Variants in MAST4 observed in about 807,000 individuals in gnomAD.
MAST4 encodes the protein microtubule associated serine/threonine kinase family member 4.
Under a neutral mutation model 162.7 loss-of-function variants are expected in MAST4, and 89 were observed. That is an observed-to-expected ratio of 0.55 (90% CI 0.46 to 0.65). MAST4 has a LOEUF of 0.65. MAST4 is among the 30% of genes least tolerant of loss of function. The pLI is 0.00. For missense variants in MAST4, 3,153 were observed against 3,374.0 expected (o/e 0.93, Z 1.62); for synonymous variants, 1,479 against 1,361.1 (o/e 1.09, Z -1.91).
chr5:66,622,098 A>T (rs1490027722), intron 1 of MAST4, among the ~76,000 whole-genome samples: 3 of 152,138 alleles, frequency 2.0e-5, no homozygotes, highest in African/African-American at 7.2e-5. Context: ...AAGGAGAAAA[A>T]AAAAATGGAA....
intron 16 of MAST4, among the ~76,000 whole-genome samples, chr5:67,132,976 TA>T (rs1261415613): frequency 6.6e-6 from 1 of 152,128 alleles, no homozygotes; most frequent in African/African-American, 2.4e-5. Context: ...TTTTCCCACT[TA>T]AAATGAAAAG....
intron 1 of MAST4, among the ~76,000 whole-genome samples, chr5:66,704,455 GCTC>G (rs995175646): frequency 6.7e-6 from 1 of 150,158 alleles, no homozygotes; most frequent in Non-Finnish European, 1.5e-5. Context: ...TCTGTTGAAA[GCTC>G]CTTTCTTCTG....
intron 2 of MAST4, among the ~76,000 whole-genome samples, chr5:66,761,357 G>A (rs991934201): frequency 6.6e-6 from 1 of 152,060 alleles, no homozygotes; most frequent in African/African-American, 2.4e-5. Flanking sequence ...CTTTTAAAAG[G>A]TAACTCACCA....
intron 4 of MAST4, among the ~76,000 whole-genome samples, chr5:67,043,011 A>G: frequency 6.6e-6 from 1 of 152,202 alleles, no homozygotes; most frequent in East Asian, 1.9e-4. Flanking sequence ...TTAAATAGTC[A>G]TGCTGTTCAT....
chr5:66,749,743 T>A (rs927630549), intron 1 of MAST4, among the ~76,000 whole-genome samples: 1 of 152,228 alleles, frequency 6.6e-6, no homozygotes, highest in African/African-American at 2.4e-5. Flanking sequence ...TACTAACATC[T>A]CATGGTTGAG....
intron 23 of MAST4, 108 bp from the exon 24 acceptor site, chr5:67,149,281 G>T: frequency 1.1e-6 from 1 of 921,846 alleles, no homozygotes. Flanking sequence ...GGCCACATAG[G>T]AGTATGTTCT....
chr5:67,024,832 G>GTT (rs11401659), intron 4 of MAST4, among the ~76,000 whole-genome samples: 20 of 147,722 alleles, frequency 1.4e-4, no homozygotes, highest in African/African-American at 2.0e-4. Context: ...GGGATCCCAT[G>GTT]TTTTTTTTTT....
chr5:66,934,265 T>C, intron 4 of MAST4, among the ~76,000 whole-genome samples: 1 of 151,816 alleles, frequency 6.6e-6, no homozygotes, highest in Admixed American at 6.6e-5. Context: ...GGTATAGTTA[T>C]CATAGGCAAT....
chr5:66,621,231 A>C (rs1302137334), intron 1 of MAST4, among the ~76,000 whole-genome samples: 1 of 152,230 alleles, frequency 6.6e-6, no homozygotes, highest in Non-Finnish European at 1.5e-5. Flanking sequence ...GACCTCAAAT[A>C]ACAGAAGATG....
intron 12 of MAST4, among the ~76,000 whole-genome samples, chr5:67,117,959 A>G (rs935498975): frequency 6.6e-6 from 1 of 152,226 alleles, no homozygotes; most frequent in Admixed American, 6.5e-5. Flanking sequence ...ATACAATATG[A>G]TTAATAATAA....
intron 6 of MAST4, chr5:67,094,197 A>G: frequency 6.9e-7 from 1 of 1,443,656 alleles, no homozygotes; most frequent in Non-Finnish European, 9.5e-7. Flanking sequence ...ACATTGTAGT[A>G]GTTCTGTGAT....
At chr5:66,839,256 G>A (rs1056047215) in intron 3 of MAST4, among the ~76,000 whole-genome samples, 8 of 152,254 alleles carry the variant, frequency 5.3e-5, no homozygotes, top group Non-Finnish European at 1.2e-4. Context: ...TGTGAATCTT[G>A]AGTTTGAAGT....
intron 27 of MAST4, 89 bp downstream of exon 27, chr5:67,160,681 G>A: frequency 7.1e-7 from 1 of 1,407,106 alleles, no homozygotes; most frequent in Non-Finnish European, 9.6e-7. Flanking sequence ...ATATGAAGAA[G>A]ATCTATTTTT....
chr5:67,006,298 T>C (rs1332822039), intron 4 of MAST4, among the ~76,000 whole-genome samples: 1 of 152,230 alleles, frequency 6.6e-6, no homozygotes, highest in East Asian at 1.9e-4. Context: ...TCTGAAGTTG[T>C]ACCTTTTAAG....
Position 67,162,780 on chromosome 5 carries a change from T to A in MAST4, c.3959T>A (p.Phe1320Tyr), listed in dbSNP as rs777324991. Residue 1320 changes from phenylalanine to tyrosine, a missense_variant, in exon 28 of 29, where the codon TTC becomes TAC. Transcript: ENST00000403625. ...CCAAGCTACCGCTCCACCCCTGACT[T>A]CCCATCTGGTGAGTGAGTCTCCTGG... ...PTPSYRSTPDFPSGTNSSQSS... is the reference protein window; with the variant it reads ...PTPSYRSTPDYPSGTNSSQSS... The A allele has an allele frequency of 6.2e-7, 1 of 1,613,722 alleles. No homozygotes were observed. Among genetic ancestry groups the A allele is most frequent in the South Asian group, 1.1e-5 (1 of 91,042 alleles).
chr5:66,788,405 C>CG (rs1755216390), intron 2 of MAST4, among the ~76,000 whole-genome samples: 1 of 152,066 alleles, frequency 6.6e-6, no homozygotes, highest in Non-Finnish European at 1.5e-5. Flanking sequence ...TATAGGCAGA[C>CG]GGGAAAAAAA....
intron 4 of MAST4, among the ~76,000 whole-genome samples, chr5:67,051,603 A>G (rs1250240733): frequency 1.3e-5 from 2 of 152,162 alleles, no homozygotes; most frequent in African/African-American, 4.8e-5. Flanking sequence ...AGCAGGTAAT[A>G]CTGAGATTGG....
intron 1 of MAST4, among the ~76,000 whole-genome samples, chr5:66,661,743 G>T (rs972421531): frequency 6.6e-6 from 1 of 152,112 alleles, no homozygotes; most frequent in Non-Finnish European, 1.5e-5. Flanking sequence ...AGCCAAAGTA[G>T]ACATCTGTAT....
chr5:66,883,442 T>C (rs1191657768), intron 3 of MAST4, among the ~76,000 whole-genome samples: 2 of 148,190 alleles, frequency 1.3e-5, no homozygotes, highest in Admixed American at 6.7e-5. Flanking sequence ...TTTTTTTTTT[T>C]TTTTTAGATG....
Sources: allele counts gnomAD v4.1 joint callset (sites outside exome capture counted in the v4.1 genomes callset), GRCh38; gene constraint gnomAD v4.1.1; transcripts MANE v1.5; gene names NCBI Gene and HGNC (gene_info 2026-07-23, HGNC 2026-07-21).